Variants in PIK3C2G observed in about 807,000 individuals in gnomAD.
PIK3C2G encodes the protein phosphatidylinositol 3-kinase C2 domain-containing subunit gamma.
In PIK3C2G, 168 loss-of-function variants were observed where a neutral mutation model predicts 181.1. That is an observed-to-expected ratio of 0.93 (90% CI 0.82 to 1.05). PIK3C2G has a LOEUF of 1.05. PIK3C2G is among the 50% of genes least tolerant of loss of function. The probability of loss-of-function intolerance (pLI) is 0.00; values close to 1 mark genes in which losing one functional copy is unlikely to be tolerated. For synonymous variants in PIK3C2G, 573 were observed against 592.2 expected (o/e 0.97, Z 0.47); for missense variants, 1,869 against 1,732.8 (o/e 1.08, Z -1.40).
chr12:18,507,010 T>A (rs1370763630), intron 24 of PIK3C2G, among the ~76,000 whole-genome samples: 1 of 152,018 alleles, frequency 6.6e-6, no homozygotes, highest in Non-Finnish European at 1.5e-5. Flanking sequence ...ATTTACCACA[T>A]ATTCATTCAC....
chr12:18,463,727 A>C (rs778265908), intron 18 of PIK3C2G, among the ~76,000 whole-genome samples: 4 of 152,168 alleles, frequency 2.6e-5, no homozygotes, highest in Non-Finnish European at 4.4e-5. Flanking sequence ...AGAGACATCA[A>C]ATGTCTTCAT....
At chr12:18,279,891 T>C (rs1376578178) in intron 1 of PIK3C2G, among the ~76,000 whole-genome samples, 1 of 152,090 alleles carries the variant, frequency 6.6e-6, no homozygotes, top group Non-Finnish European at 1.5e-5. Flanking sequence ...GTTAGTTCAG[T>C]TACTTTACTG....
At chr12:18,653,615 G>T in the PIK3C2G span, among the ~76,000 whole-genome samples, 1 of 152,114 alleles carries the variant, frequency 6.6e-6, no homozygotes, top group African/African-American at 2.4e-5. Context: ...TGGTTTTAGG[G>T]TGACAGAGCA....
the PIK3C2G span, among the ~76,000 whole-genome samples, chr12:18,703,736 T>C: frequency 6.6e-6 from 1 of 152,186 alleles, no homozygotes; most frequent in Non-Finnish European, 1.5e-5. Flanking sequence ...TTTTCACTTT[T>C]TCCCACACCA....
chr12:18,416,929 T>C (rs1173147169), intron 16 of PIK3C2G, among the ~76,000 whole-genome samples: 1 of 152,184 alleles, frequency 6.6e-6, no homozygotes, highest in East Asian at 1.9e-4. Flanking sequence ...ACAGCTGCCA[T>C]AGACAGTGAT....
In PIK3C2G at chr12:18,538,083, G is replaced by A. The variant is rs188804129; in HGVS notation, c.3324-73G>A. The A allele has an allele frequency of 4.0e-3, 5,552 of 1,374,840 alleles. 39 individuals are homozygous for A. Among genetic ancestry groups the A allele is most frequent in the Non-Finnish European group, 4.0e-3 (4,012 of 993,272 alleles). The allele number at this position is 1,374,840 out of a possible 1,614,324, so 85.2% of individuals were successfully genotyped here. ...AAGAAAATTCAAATGAAAATAAGTCGTTATAACTGCTGATTTAACCTGACA... is the reference window on the plus strand; with the variant it reads ...AAGAAAATTCAAATGAAAATAAGTCATTATAACTGCTGATTTAACCTGACA... On this transcript the variant is annotated intron_variant, in intron 24 of 32. Coordinates refer to ENST00000538779, the MANE Select transcript of PIK3C2G (RefSeq NM_001288772.2).
chr12:18,371,423 A>C (rs1942052800), intron 13 of PIK3C2G, 112 bp downstream of exon 13: 2 of 867,466 alleles, frequency 2.3e-6, no homozygotes, highest in East Asian at 2.8e-5. Flanking sequence ...TTATTCTAAA[A>C]TTGACATAGT....
At chr12:18,508,098 A>G (rs1300919184) in intron 24 of PIK3C2G, among the ~76,000 whole-genome samples, 1 of 152,228 alleles carries the variant, frequency 6.6e-6, no homozygotes, top group Non-Finnish European at 1.5e-5. Flanking sequence ...AGGATGAATG[A>G]AAATGAAGTT....
chr12:18,259,804 C>A (rs1302419922), upstream of PIK3C2G, among the ~76,000 whole-genome samples: 1 of 152,050 alleles, frequency 6.6e-6, no homozygotes, highest in East Asian at 1.9e-4. Flanking sequence ...CTTGATCATT[C>A]TGTCTTAAAT....
intron 12 of PIK3C2G, among the ~76,000 whole-genome samples, chr12:18,366,807 A>G (rs1196092934): frequency 6.6e-6 from 1 of 151,578 alleles, no homozygotes; most frequent in Non-Finnish European, 1.5e-5. Context: ...TTTTGTCTGA[A>G]AGTTCATTCC....
intron 1 of PIK3C2G, among the ~76,000 whole-genome samples, chr12:18,265,740 G>A (rs569354974): frequency 2.6e-5 from 4 of 152,008 alleles, no homozygotes; most frequent in East Asian, 3.9e-4. Flanking sequence ...TAGGCTGGGC[G>A]TGGTGGCTCA....
At chr12:18,696,460 TC>T in the PIK3C2G span, among the ~76,000 whole-genome samples, 1 of 150,686 alleles carries the variant, frequency 6.6e-6, no homozygotes, top group Non-Finnish European at 1.5e-5. Context: ...ATAGTATAAT[TC>T]ACTATTATTT....
At chr12:18,671,970 C>T in the PIK3C2G span, among the ~76,000 whole-genome samples, 1 of 152,042 alleles carries the variant, frequency 6.6e-6, no homozygotes. Context: ...GCTCTTTTAT[C>T]AGGACACAAA....
At chr12:18,346,925 C>A in intron 11 of PIK3C2G, 89 bp downstream of exon 11, 2 of 725,376 alleles carry the variant, frequency 2.8e-6, no homozygotes, top group Non-Finnish European at 4.1e-6. Context: ...TATGCAGGAG[C>A]AAAGATTTCA....
At chr12:18,700,009 T>A in the PIK3C2G span, 2 of 1,463,508 alleles carry the variant, frequency 1.4e-6, no homozygotes, top group East Asian at 2.3e-5. Context: ...AAAAAAATTT[T>A]TTCTAGTAAA....
intron 16 of PIK3C2G, among the ~76,000 whole-genome samples, chr12:18,413,228 T>C (rs1944976610): frequency 6.6e-6 from 1 of 152,128 alleles, no homozygotes; most frequent in Non-Finnish European, 1.5e-5. Context: ...TTTAACAGAT[T>C]CCAGAGACTC....
intron 15 of PIK3C2G, among the ~76,000 whole-genome samples, chr12:18,394,970 A>T (rs1249900433): frequency 6.6e-6 from 1 of 151,814 alleles, no homozygotes; most frequent in African/African-American, 2.4e-5. Flanking sequence ...AAGCAAATAC[A>T]TACTCTCCCT....
intron 18 of PIK3C2G, among the ~76,000 whole-genome samples, chr12:18,443,315 TA>T (rs1194209586): frequency 6.6e-6 from 1 of 152,204 alleles, no homozygotes; most frequent in Non-Finnish European, 1.5e-5. Flanking sequence ...TGAGTGTATG[TA>T]TGTATGTGTG....
intron 13 of PIK3C2G, 28 bp from the exon 14 acceptor site, chr12:18,381,738 C>CTGTG (rs761371594): frequency 8.3e-7 from 1 of 1,210,344 alleles, no homozygotes; most frequent in Non-Finnish European, 1.2e-6. Flanking sequence ...TGACTCCTGT[C>CTGTG]TGTGTGTGTG....
Sources: gnomAD v4.1 joint callset for allele counts (sites outside exome capture counted in the v4.1 genomes callset) on GRCh38, gnomAD v4.1.1 for gene constraint, MANE v1.5 for transcripts, NCBI Gene and HGNC (gene_info 2026-07-23, HGNC 2026-07-21) for gene names.